Variants in AGAP1 observed in about 807,000 individuals in gnomAD.
The protein encoded by AGAP1 is ArfGAP with GTPase domain, ankyrin repeat and PH domain 1.
AGAP1 carries 29 observed loss-of-function variants against 105.3 expected under a neutral mutation model. That is an observed-to-expected ratio of 0.28 (90% CI 0.21 to 0.38). The LOEUF (loss-of-function observed/expected upper bound fraction) is 0.38, where lower values mean the gene tolerates loss of function less well. AGAP1 is among the 10% of genes least tolerant of loss of function. The probability of loss-of-function intolerance (pLI) is 1.00; values close to 1 mark genes in which losing one functional copy is unlikely to be tolerated. For synonymous variants in AGAP1, 509 were observed against 485.9 expected (o/e 1.05, Z -0.63); for missense variants, 998 against 1,165.1 (o/e 0.86, Z 2.09).
chr2:236,117,436 G>A (rs918196342), intron 16 of AGAP1, among the ~76,000 whole-genome samples: 5 of 152,200 alleles, frequency 3.3e-5, no homozygotes, highest in African/African-American at 1.2e-4. Context: ...CAGTTCCCGG[G>A]GAGAACATAC....
intron 9 of AGAP1, among the ~76,000 whole-genome samples, chr2:235,839,421 G>T (rs761659146): frequency 2.0e-5 from 3 of 152,186 alleles, no homozygotes; most frequent in Non-Finnish European, 4.4e-5. Flanking sequence ...CCATTTAAAG[G>T]TGTTCATCAG....
In AGAP1 at chr2:236,009,006, T is replaced by C. The variant is rs1486211984; in HGVS notation, c.1646-27555T>C. ...CTGAACACGTGTCCTATATATTTGC[T>C]TGGCCTCGGGTTTTGTTTAATCCCT... is the stretch of plus-strand genomic sequence containing the variant. On this transcript the variant is annotated intron_variant, in intron 13 of 17. Coordinates refer to ENST00000304032, the MANE Select transcript of AGAP1 (RefSeq NM_001037131.3). This position sits in a 1 kb window ranked among gnomAD's most constrained non-coding sequence, Gnocchi z 4.2. Among the ~76,000 whole-genome samples, 2 of 152,222 alleles carry C rather than the reference T, an allele frequency of 1.3e-5. No homozygotes were observed. The highest frequency in any genetic ancestry group is 1.5e-5 in the Non-Finnish European group (1 of 68,034).
chr2:235,838,010 C>T (rs932918574), intron 9 of AGAP1, among the ~76,000 whole-genome samples: 1 of 152,050 alleles, frequency 6.6e-6, no homozygotes, highest in African/African-American at 2.4e-5. Context: ...TGGTGAAACC[C>T]CATCTTTACT....
rs1014092783 is a variant in AGAP1 at position 235,931,877 on chromosome 2, G to A, written c.1483+954G>A. On this transcript the variant is annotated intron_variant, in intron 12 of 17. Coordinates refer to ENST00000304032, the MANE Select transcript of AGAP1 (RefSeq NM_001037131.3). The surrounding 1 kb of genome is among the most constrained non-coding windows in gnomAD (Gnocchi z 5.6). ...AGGTAGCTCCACACCATAGCGGTGC[G>A]GGTCTGGAAGAGCCTTGTGACTTGG... Among the ~76,000 whole-genome samples, 2 of 152,084 alleles carry A rather than the reference G, an allele frequency of 1.3e-5. No homozygotes were observed. The highest frequency in any genetic ancestry group is 2.9e-5 in the Non-Finnish European group (2 of 68,032).
chr2:235,494,916 C>A, intron 1 of AGAP1, 67 bp downstream of exon 1: 1 of 1,462,722 alleles, frequency 6.8e-7, no homozygotes, highest in Non-Finnish European at 9.1e-7. Context: ...GGGGTGTGCG[C>A]TGTGTGCGTG....
rs1193951797 is a variant in AGAP1 at position 235,582,724 on chromosome 2, G to A, written c.163+87875G>A. 6.6e-6 allele frequency among the ~76,000 whole-genome samples: 1 copy of A among 152,248 alleles called. No individual in the cohort carries two copies. Among genetic ancestry groups the A allele is most frequent in the Non-Finnish European group, 1.5e-5 (1 of 68,028 alleles). ...AGGAGCCTGGGAGAAGTCAGAGAGA[G>A]GGGGCTCGTGGTCCTTCTTGGGCTC... On this transcript the variant is annotated intron_variant, in intron 1 of 17. Transcript: ENST00000304032. This position sits in a 1 kb window ranked among gnomAD's most constrained non-coding sequence, Gnocchi z 4.7.
At chr2:236,015,039 A>T (rs1253005679) in intron 13 of AGAP1, among the ~76,000 whole-genome samples, 2 of 151,572 alleles carry the variant, frequency 1.3e-5, no homozygotes, top group Admixed American at 1.3e-4. Context: ...TGGTCTTTTC[A>T]TCTTTTTGTT....
chr2:235,561,303 A>G (rs1486873953), intron 1 of AGAP1, among the ~76,000 whole-genome samples: 1 of 152,204 alleles, frequency 6.6e-6, no homozygotes, highest in East Asian at 1.9e-4. Context: ...GACGTTTAGG[A>G]AACCTTGTAG....
rs6431386 is a variant in AGAP1 at position 235,577,975 on chromosome 2, C to T, written c.163+83126C>T. 0.45 allele frequency among the ~76,000 whole-genome samples: 68,686 copies of T among 151,840 alleles called. 17,015 individuals carry two copies. The highest frequency in any genetic ancestry group is 0.66 in the African/African-American group (27,222 of 41,380). On this transcript the variant is annotated intron_variant, in intron 1 of 17. Coordinates refer to ENST00000304032, the MANE Select transcript of AGAP1 (RefSeq NM_001037131.3). The surrounding 1 kb of genome is among the most constrained non-coding windows in gnomAD (Gnocchi z 4.5). ...CAGTGTCTGCACAGGGGGTCTGGAT[C>T]GCACCCGACACCATCCAGGTGCCTG... is the stretch of plus-strand genomic sequence containing the variant.
Position 235,931,598 on chromosome 2 carries a change from T to C in AGAP1, c.1483+675T>C, listed in dbSNP as rs2052724345. On this transcript the variant is annotated intron_variant, in intron 12 of 17. Transcript: ENST00000304032. This position sits in a 1 kb window ranked among gnomAD's most constrained non-coding sequence, Gnocchi z 5.6. ...TGCCTGTGGCGTTTTGTCTCTGGCC[T>C]GTTCACCGGTATTTAAAGGAATTCC... Among the ~76,000 whole-genome samples the C allele has an allele frequency of 1.3e-5, 2 of 152,052 alleles. No individual in the cohort carries two copies. The highest frequency in any genetic ancestry group is 4.1e-4 in the South Asian group (2 of 4,822).
chr2:236,088,341 T>G (rs953727944), intron 16 of AGAP1, among the ~76,000 whole-genome samples: 1 of 152,262 alleles, frequency 6.6e-6, no homozygotes, highest in African/African-American at 2.4e-5. Flanking sequence ...GCTCCAGCTC[T>G]GCTGGAAAGG....
At chr2:235,652,392 A>G (rs76473182) in intron 1 of AGAP1, among the ~76,000 whole-genome samples, 6,984 of 151,206 alleles carry the variant, frequency 0.046, 531 homozygotes, top group African/African-American at 0.16. Context: ...CATGCTTCCT[A>G]CTCCTTAGAG....
intron 11 of AGAP1, among the ~76,000 whole-genome samples, chr2:235,916,189 A>G (rs1342749079): frequency 6.6e-6 from 1 of 152,212 alleles, no homozygotes; most frequent in African/African-American, 2.4e-5. Context: ...AAGAATCCAA[A>G]AGATATTCAG....
chr2:235,720,485 C>T lies in AGAP1; in HGVS notation c.310+2841C>T, dbSNP rs750743845. Among the ~76,000 whole-genome samples the T allele has an allele frequency of 2.1e-4, 32 of 152,026 alleles. No individual in the cohort carries two copies. The highest frequency in any genetic ancestry group is 9.2e-4 in the Admixed American group (14 of 15,270). On this transcript the variant is annotated intron_variant, in intron 3 of 17. Coordinates refer to ENST00000304032, the MANE Select transcript of AGAP1 (RefSeq NM_001037131.3). This position sits in a 1 kb window ranked among gnomAD's most constrained non-coding sequence, Gnocchi z 5.0. ...CTCCCACAGTGGTGGGAGTGGTTGG[C>T]GCCCGGTTGAGGGATTGGATTTTGA...
chr2:235,503,118 T>C (rs1307938536), intron 1 of AGAP1, among the ~76,000 whole-genome samples: 1 of 152,242 alleles, frequency 6.6e-6, no homozygotes, highest in Non-Finnish European at 1.5e-5. Context: ...CTTGGGGGCA[T>C]GCCCACTGTG....
chr2:235,859,629 CAG>C (rs2048841508), intron 9 of AGAP1, among the ~76,000 whole-genome samples: 2 of 151,242 alleles, frequency 1.3e-5, no homozygotes, highest in Non-Finnish European at 1.5e-5. Flanking sequence ...ACTCAATGCT[CAG>C]AGAGACTCGC....
intron 11 of AGAP1, among the ~76,000 whole-genome samples, chr2:235,914,973 A>G (rs1161459182): frequency 2.0e-5 from 3 of 152,204 alleles, no homozygotes; most frequent in African/African-American, 7.2e-5. Flanking sequence ...TGAAACTCAA[A>G]CATCCTCAGT....
At chr2:235,749,192 A>G (rs1324572282) in intron 5 of AGAP1, among the ~76,000 whole-genome samples, 4 of 148,912 alleles carry the variant, frequency 2.7e-5, no homozygotes, top group Non-Finnish European at 4.5e-5. Flanking sequence ...TGGGCGACAC[A>G]GTGAGACTCC....
At chr2:235,996,968 T>C (rs1185034380) in intron 13 of AGAP1, among the ~76,000 whole-genome samples, 1 of 152,260 alleles carries the variant, frequency 6.6e-6, no homozygotes, top group Non-Finnish European at 1.5e-5. Context: ...AATCACTGAA[T>C]GTATGTATCA....
Sources: allele counts gnomAD v4.1 joint callset (sites outside exome capture counted in the v4.1 genomes callset), GRCh38; gene constraint gnomAD v4.1.1; non-coding constraint Gnocchi (gnomAD v3.1); transcripts MANE v1.5; gene names NCBI Gene and HGNC (gene_info 2026-07-23, HGNC 2026-07-21).